Variants in KCTD16 observed in about 807,000 individuals in gnomAD.
KCTD16 encodes potassium channel tetramerization domain containing 16, also known as BTB/POZ domain-containing protein KCTD16.
Under a neutral mutation model 33.2 loss-of-function variants are expected in KCTD16, and 13 were observed. That is an observed-to-expected ratio of 0.39 (90% CI 0.25 to 0.62). The LOEUF (loss-of-function observed/expected upper bound fraction) is 0.62. KCTD16 is among the 20% of genes least tolerant of loss of function. The pLI, the probability that KCTD16 is intolerant of heterozygous loss-of-function variation, is 0.50. For missense variants in KCTD16, 441 were observed against 525.1 expected, an observed-to-expected ratio of 0.84 and a Z score of 1.57; for synonymous variants, 197 against 195.3, an observed-to-expected ratio of 1.01 and a Z score of -0.07.
At chr5:144,283,037 G>A (rs1412891657) in intron 3 of KCTD16, among the ~76,000 whole-genome samples, 1 of 152,084 alleles carries the variant, frequency 6.6e-6, no homozygotes, top group Non-Finnish European at 1.5e-5. Flanking sequence ...AGGGGGAATT[G>A]GATTTCTCTT....
Position 144,479,792 on chromosome 5 carries a change from C to G in KCTD16, c.*5678C>G, listed in dbSNP as rs1411977688. The G allele has an allele frequency of 6.6e-6, 1 of 151,876 alleles. No homozygotes were observed. The highest frequency in any genetic ancestry group is 1.5e-5 in the Non-Finnish European group (1 of 67,924). 9.4% of individuals were successfully genotyped at this position (151,876 alleles called of 1,614,324 possible). On this transcript the variant is annotated 3_prime_UTR_variant, in exon 4 of 4. Coordinates refer to ENST00000512467, the MANE Select transcript of KCTD16 (RefSeq NM_020768.4). ...AAAAAATGTTAAGTTCCCAGACTGT[C>G]ATCCTTGCATTATTTAGGAAATTTA...
intron 3 of KCTD16, among the ~76,000 whole-genome samples, chr5:144,251,630 A>C (rs1332922267): frequency 6.6e-6 from 1 of 152,174 alleles, no homozygotes. Flanking sequence ...GTCTCCAAAG[A>C]TGTGGCTTTT....
chr5:144,292,937 C>T (rs1436910565), intron 3 of KCTD16, among the ~76,000 whole-genome samples: 1 of 152,150 alleles, frequency 6.6e-6, no homozygotes, highest in African/African-American at 2.4e-5. Flanking sequence ...TGACCAAGGA[C>T]GCATGTTGAC....
At chr5:144,410,755 A>AT (rs927171307) in intron 3 of KCTD16, among the ~76,000 whole-genome samples, 1 of 152,076 alleles carries the variant, frequency 6.6e-6, no homozygotes, top group African/African-American at 2.4e-5. Context: ...AGATATATAT[A>AT]TTTTTTGCCT....
At chr5:144,256,543 G>T (rs115872583) in intron 3 of KCTD16, among the ~76,000 whole-genome samples, 120 of 151,748 alleles carry the variant, frequency 7.9e-4, no homozygotes, top group African/African-American at 2.8e-3. Context: ...TACTTCTTGT[G>T]CTGAATTAAG....
intron 3 of KCTD16, among the ~76,000 whole-genome samples, chr5:144,229,524 T>C (rs923090274): frequency 6.6e-6 from 1 of 152,226 alleles, no homozygotes; most frequent in African/African-American, 2.4e-5. Flanking sequence ...AGATCACCTA[T>C]GTGGCTATCG....
chr5:144,346,267 C>T (rs915434040), intron 3 of KCTD16, among the ~76,000 whole-genome samples: 3 of 152,118 alleles, frequency 2.0e-5, no homozygotes, highest in Non-Finnish European at 4.4e-5. Context: ...TTGATGGACA[C>T]TTAGATTGCT....
Position 144,434,888 on chromosome 5 carries a change from A to G in KCTD16, c.833-38772A>G, listed in dbSNP as rs900574859. 1.1e-4 allele frequency among the ~76,000 whole-genome samples: 17 copies of G among 152,290 alleles called. No individual in the cohort carries two copies. In the South Asian group the frequency reaches 1.2e-3, roughly 11 times the overall value. Reference sequence around the variant, plus strand: ...TCTTAATATGAATGCTTATTTCCTAATGATGAAGGCTGTTAGATGGTGGAA... The same window carrying G: ...TCTTAATATGAATGCTTATTTCCTAGTGATGAAGGCTGTTAGATGGTGGAA... On this transcript the variant is annotated intron_variant, in intron 3 of 3. Coordinates refer to ENST00000512467, the MANE Select transcript of KCTD16 (RefSeq NM_020768.4).
intron 3 of KCTD16, among the ~76,000 whole-genome samples, chr5:144,328,062 T>G (rs1752256997): frequency 1.3e-5 from 2 of 152,092 alleles, no homozygotes; most frequent in South Asian, 4.1e-4. Flanking sequence ...AAAAATTGGT[T>G]TACTTTCTCT....
chr5:144,442,335 C>T (rs1052599853), intron 3 of KCTD16, among the ~76,000 whole-genome samples: 6 of 152,108 alleles, frequency 3.9e-5, no homozygotes, highest in Admixed American at 6.6e-5. Context: ...CTTCCTAGCA[C>T]ATGCCACAGC....
intron 3 of KCTD16, among the ~76,000 whole-genome samples, chr5:144,325,939 A>G (rs1752195256): frequency 6.6e-6 from 1 of 152,166 alleles, no homozygotes; most frequent in Non-Finnish European, 1.5e-5. Flanking sequence ...GCTCTGCAAT[A>G]TGTAAATATG....
chr5:144,462,913 G>A (rs1189542607), intron 3 of KCTD16, among the ~76,000 whole-genome samples: 1 of 152,144 alleles, frequency 6.6e-6, no homozygotes, highest in East Asian at 1.9e-4. Flanking sequence ...TTCCCAATCA[G>A]AGGGAATCAA....
intron 3 of KCTD16, among the ~76,000 whole-genome samples, chr5:144,219,169 T>C (rs1052992820): frequency 2.6e-5 from 4 of 152,192 alleles, no homozygotes; most frequent in Admixed American, 1.3e-4. Flanking sequence ...TAGCTTTGTT[T>C]TCATCAGTAG....
intron 3 of KCTD16, among the ~76,000 whole-genome samples, chr5:144,345,755 A>G (rs781169329): frequency 4.1e-4 from 63 of 152,162 alleles, no homozygotes; most frequent in Non-Finnish European, 1.8e-4. Flanking sequence ...TTTTTGGGGT[A>G]CATGAGATGC....
At chr5:144,425,134 A>G (rs1216130725) in intron 3 of KCTD16, among the ~76,000 whole-genome samples, 3 of 152,126 alleles carry the variant, frequency 2.0e-5, no homozygotes, top group East Asian at 1.9e-4. Flanking sequence ...CTCCAGAAAT[A>G]CAATAGTAGA....
chr5:144,384,847 T>A (rs1752289199), intron 3 of KCTD16, among the ~76,000 whole-genome samples: 1 of 152,178 alleles, frequency 6.6e-6, no homozygotes, highest in Admixed American at 6.5e-5. Flanking sequence ...AGTTTTAGGA[T>A]GGATAAGTAG....
At chr5:144,337,232 G>A (rs962145607) in intron 3 of KCTD16, among the ~76,000 whole-genome samples, 1 of 151,888 alleles carries the variant, frequency 6.6e-6, no homozygotes, top group Admixed American at 6.6e-5. Context: ...GATTTCTCCA[G>A]GATACACATC....
At chr5:144,408,584 C>T (rs1752863941) in intron 3 of KCTD16, among the ~76,000 whole-genome samples, 1 of 152,136 alleles carries the variant, frequency 6.6e-6, no homozygotes, top group African/African-American at 2.4e-5. Flanking sequence ...ACCATGATGA[C>T]TGGGTTAAAC....
At chr5:144,246,430 A>C (rs1274710713) in intron 3 of KCTD16, among the ~76,000 whole-genome samples, 1 of 152,226 alleles carries the variant, frequency 6.6e-6, no homozygotes, top group African/African-American at 2.4e-5. Context: ...TTAGGGGACA[A>C]AATATTGGGA....
Sources: allele counts gnomAD v4.1 joint callset (sites outside exome capture counted in the v4.1 genomes callset), GRCh38; gene constraint gnomAD v4.1.1; transcripts MANE v1.5; gene names NCBI Gene and HGNC (gene_info 2026-07-23, HGNC 2026-07-21).